Variants in TRABD2B observed in about 807,000 individuals in gnomAD.
The protein encoded by TRABD2B is metalloprotease TIKI2.
TRABD2B carries 14 observed loss-of-function variants against 40.1 expected under a neutral mutation model. The ratio of observed to expected loss-of-function variants is 0.35; its 90% confidence interval spans 0.23 to 0.55. The LOEUF is 0.55. TRABD2B is among the 20% of genes least tolerant of loss of function. The pLI, the probability that TRABD2B is intolerant of heterozygous loss-of-function variation, is 0.90. For missense variants in TRABD2B, 541 were observed against 648.6 expected (o/e 0.83, Z 1.80); for synonymous variants, 263 against 277.0 (o/e 0.95, Z 0.50).
chr1:47,787,994 A>C (rs1644620136), intron 4 of TRABD2B, among the ~76,000 whole-genome samples: 1 of 152,180 alleles, frequency 6.6e-6, no homozygotes, highest in Non-Finnish European at 1.5e-5. Flanking sequence ...TTTAGGGATC[A>C]GGATGACTTC....
chr1:47,875,016 T>C (rs751506761), intron 2 of TRABD2B, among the ~76,000 whole-genome samples: 3 of 152,090 alleles, frequency 2.0e-5, no homozygotes, highest in Non-Finnish European at 4.4e-5. Flanking sequence ...TCATAGTGAC[T>C]TCAAGATCCT....
intron 2 of TRABD2B, among the ~76,000 whole-genome samples, chr1:47,934,192 T>G (rs1645075696): frequency 6.6e-6 from 1 of 152,246 alleles, no homozygotes; most frequent in Non-Finnish European, 1.5e-5. Flanking sequence ...AGTCAGTGAC[T>G]TGCTGTGAGC....
intron 3 of TRABD2B, among the ~76,000 whole-genome samples, 193 bp from the exon 4 acceptor site, chr1:47,794,953 G>C (rs34068239): frequency 1.3e-5 from 2 of 152,032 alleles, no homozygotes; most frequent in African/African-American, 4.8e-5. Flanking sequence ...ATATTTTGTA[G>C]AGATTGAATC....
rs374078885 is a variant in TRABD2B, at chr1:47,885,569, C to T, written c.667-83950G>A. On this transcript the variant is annotated intron_variant, in intron 2 of 6. Transcript: ENST00000606738. The stretch of plus-strand genomic sequence containing the variant: ...TTGGTGGCAGGGGACCGTGATTTAA[C>T]GAAGCAAGGGGAAGTTTCTTTATGT... Among the ~76,000 whole-genome samples, 7 of 152,268 alleles carry T rather than the reference C, an allele frequency of 4.6e-5. No homozygotes were observed. In the South Asian group the frequency reaches 6.2e-4, roughly 14 times the overall value.
intron 2 of TRABD2B, among the ~76,000 whole-genome samples, chr1:47,930,667 C>T (rs1230563163): frequency 6.6e-6 from 1 of 152,168 alleles, no homozygotes; most frequent in Admixed American, 6.5e-5. Flanking sequence ...CTCTGGTCTC[C>T]TCTTCAAGGA....
intron 4 of TRABD2B, among the ~76,000 whole-genome samples, chr1:47,781,996 C>A (rs1416786298): frequency 1.3e-5 from 2 of 152,294 alleles, no homozygotes; most frequent in African/African-American, 4.8e-5. Context: ...AATGTGGGAG[C>A]CCTGGGAACC....
At chr1:47,959,365 A>G (rs569750484) in intron 2 of TRABD2B, among the ~76,000 whole-genome samples, 1 of 152,316 alleles carries the variant, frequency 6.6e-6, no homozygotes, top group South Asian at 2.1e-4. Context: ...CTAAGATCAG[A>G]GCAGAACTGA....
intron 2 of TRABD2B, among the ~76,000 whole-genome samples, chr1:47,847,063 G>A (rs1414177894): frequency 2.0e-5 from 3 of 152,144 alleles, no homozygotes; most frequent in Non-Finnish European, 4.4e-5. Context: ...TGGAGCATCT[G>A]GAGAGGAGGT....
chr1:47,859,521 G>C (rs76713056), intron 2 of TRABD2B, among the ~76,000 whole-genome samples: 2,521 of 152,330 alleles, frequency 0.017, 71 homozygotes, highest in African/African-American at 0.057. Flanking sequence ...GACTTGTAGA[G>C]CTCTGGCCAC....
Position 47,948,406 on chromosome 1 carries a change from C to G in TRABD2B, c.666+45628G>C, listed in dbSNP as rs1645290110. Among the ~76,000 whole-genome samples the G allele has an allele frequency of 2.0e-5, 3 of 152,324 alleles. No homozygotes were observed. The South Asian group carries it at 6.2e-4, about 32-fold the overall frequency. On this transcript the variant is annotated intron_variant, in intron 2 of 6. Coordinates refer to ENST00000606738, the MANE Select transcript of TRABD2B (RefSeq NM_001194986.2). Reference sequence around the variant, plus strand: ...CCCAGCAAACCTGCTGTGCTTAGAGCACCTGGTGGTAAACACACCTATCTC... The same window carrying G: ...CCCAGCAAACCTGCTGTGCTTAGAGGACCTGGTGGTAAACACACCTATCTC...
intron 2 of TRABD2B, among the ~76,000 whole-genome samples, chr1:47,981,234 G>T (rs973571885): frequency 6.6e-6 from 1 of 152,000 alleles, no homozygotes. Flanking sequence ...GATTGGTTTC[G>T]AACTCCTGGC....
At chr1:47,874,185 T>TA (rs1220667811) in intron 2 of TRABD2B, among the ~76,000 whole-genome samples, 1 of 151,996 alleles carries the variant, frequency 6.6e-6, no homozygotes, top group Non-Finnish European at 1.5e-5. Context: ...CTTGGGAACT[T>TA]AGAGATAAAA....
intron 2 of TRABD2B, among the ~76,000 whole-genome samples, chr1:47,814,796 A>G (rs1465445377): frequency 6.6e-6 from 1 of 152,190 alleles, no homozygotes; most frequent in Non-Finnish European, 1.5e-5. Context: ...GGGTGCATCA[A>G]AGGAGACAGC....
At chr1:47,950,234 G>A (rs1343251976) in intron 2 of TRABD2B, among the ~76,000 whole-genome samples, 1 of 152,004 alleles carries the variant, frequency 6.6e-6, no homozygotes, top group Non-Finnish European at 1.5e-5. Flanking sequence ...GCAGTGAGCC[G>A]AGATCGGGCC....
At chr1:47,873,660 A>G (rs1010931002) in intron 2 of TRABD2B, among the ~76,000 whole-genome samples, 1 of 152,052 alleles carries the variant, frequency 6.6e-6, no homozygotes, top group Admixed American at 6.6e-5. Flanking sequence ...CCCAGTGGAG[A>G]AGGTCTGAAC....
chr1:47,814,530 C>G (rs1257332949), intron 2 of TRABD2B, among the ~76,000 whole-genome samples: 2 of 152,194 alleles, frequency 1.3e-5, no homozygotes, highest in African/African-American at 4.8e-5. Context: ...TCTTTCCTGG[C>G]TTGCATGTTT....
intron 2 of TRABD2B, among the ~76,000 whole-genome samples, chr1:47,895,182 T>C (rs923214163): frequency 2.6e-5 from 4 of 152,100 alleles, no homozygotes; most frequent in East Asian, 1.9e-4. Context: ...CTGAGTTTCA[T>C]AGCCTGAGCC....
At chr1:47,984,139 G>T (rs958087423) in intron 2 of TRABD2B, among the ~76,000 whole-genome samples, 2 of 152,244 alleles carry the variant, frequency 1.3e-5, no homozygotes, top group African/African-American at 2.4e-5. Flanking sequence ...TAGGGAGGAA[G>T]GAGGCAAATC....
chr1:47,904,375 A>G (rs1644647382), intron 2 of TRABD2B, among the ~76,000 whole-genome samples: 1 of 152,214 alleles, frequency 6.6e-6, no homozygotes, highest in Admixed American at 6.5e-5. Flanking sequence ...GATTTTACTC[A>G]GTAGGTGAAG....
Sources: allele counts gnomAD v4.1 joint callset (sites outside exome capture counted in the v4.1 genomes callset), GRCh38; gene constraint gnomAD v4.1.1; transcripts MANE v1.5; gene names NCBI Gene and HGNC (gene_info 2026-07-23, HGNC 2026-07-21).